Variants in BCR observed in about 807,000 individuals in gnomAD.
BCR encodes the protein breakpoint cluster region protein.
Under a neutral mutation model 138.6 loss-of-function variants are expected in BCR, and 58 were observed. The observed-to-expected ratio is 0.42, with a 90% confidence interval of 0.34 to 0.52. The LOEUF is 0.52. Ranked by LOEUF, BCR falls within the 20% of genes least tolerant of loss-of-function variation. BCR has a pLI of 0.06. For missense variants in BCR, 1,599 were observed against 1,727.2 expected, an observed-to-expected ratio of 0.93 and a Z score of 1.32; for synonymous variants, 786 against 730.1, an observed-to-expected ratio of 1.08 and a Z score of -1.23.
At chr22:23,196,015 C>T (rs1243602949) in intron 1 of BCR, among the ~76,000 whole-genome samples, 1 of 152,180 alleles carries the variant, frequency 6.6e-6, no homozygotes, top group African/African-American at 2.4e-5. Flanking sequence ...AGGACAGTGC[C>T]AGTCAGCCAC....
At chr22:23,199,238 A>T in intron 1 of BCR, 1 of 515,548 alleles carries the variant, frequency 1.9e-6, no homozygotes, top group South Asian at 1.4e-5. Flanking sequence ...TGGCTCCAGA[A>T]GACTCTTCTC....
chr22:23,225,428 C>T (rs1024241146), intron 1 of BCR, among the ~76,000 whole-genome samples: 3 of 152,188 alleles, frequency 2.0e-5, no homozygotes, highest in Non-Finnish European at 4.4e-5. Context: ...TTGCCAAAGG[C>T]GAGACCGCTG....
chr22:23,207,944 C>T (rs947551198), intron 1 of BCR, among the ~76,000 whole-genome samples: 1 of 152,188 alleles, frequency 6.6e-6, no homozygotes, highest in African/African-American at 2.4e-5. Flanking sequence ...ATGGCCTATG[C>T]ACCCCATACA....
At chr22:23,211,975 C>T (rs2072690051) in intron 1 of BCR, among the ~76,000 whole-genome samples, 2 of 152,128 alleles carry the variant, frequency 1.3e-5, no homozygotes, top group Non-Finnish European at 2.9e-5. Flanking sequence ...CCACTTCCCA[C>T]TGTCTGCAGG....
chr22:23,259,090 G>A (rs2073328433), intron 2 of BCR, among the ~76,000 whole-genome samples: 1 of 152,286 alleles, frequency 6.6e-6, no homozygotes, highest in Non-Finnish European at 1.5e-5. Flanking sequence ...CCAGGGAGTA[G>A]GCGGGAGTGG....
At chr22:23,249,603 TG>T (rs1056495140) in intron 1 of BCR, among the ~76,000 whole-genome samples, 97 of 150,374 alleles carry the variant, frequency 6.5e-4, no homozygotes, top group African/African-American at 2.3e-3. Flanking sequence ...AAATCACGGG[TG>T]GGGGGTGGTG....
At chr22:23,262,706 AGGGCGGGCCC>A (rs1390912987) in intron 4 of BCR, 3 of 195,274 alleles carry the variant, frequency 1.5e-5, no homozygotes, top group African/African-American at 1.2e-4. Context: ...GGCCCGGGTG[AGGGCGGGCCC>A]GGGTGAGGGC....
intron 1 of BCR, among the ~76,000 whole-genome samples, chr22:23,214,204 TTG>T (rs2072721994): frequency 6.7e-6 from 1 of 149,004 alleles, no homozygotes; most frequent in African/African-American, 2.6e-5. Context: ...GATGTTTGGT[TTG>T]TTTTTTTTTT....
chr22:23,249,210 A>G (rs1019338983), intron 1 of BCR, among the ~76,000 whole-genome samples: 1 of 152,076 alleles, frequency 6.6e-6, no homozygotes, highest in Non-Finnish European at 1.5e-5. Context: ...TGGGTGGATC[A>G]CAAGGTCAGG....
intron 1 of BCR, among the ~76,000 whole-genome samples, chr22:23,193,225 A>G (rs1260487719): frequency 1.3e-5 from 2 of 152,350 alleles, no homozygotes; most frequent in African/African-American, 4.8e-5. Context: ...ATTCGAAGCA[A>G]CCTACAGGCA....
intron 16 of BCR, among the ~76,000 whole-genome samples, chr22:23,297,901 T>G (rs1207518754): frequency 6.6e-6 from 1 of 152,210 alleles, no homozygotes; most frequent in Non-Finnish European, 1.5e-5. Context: ...TCTGCAATGC[T>G]ACTGAAGTAT....
At chr22:23,296,815 C>T (rs557234476) in intron 16 of BCR, among the ~76,000 whole-genome samples, 3 of 152,332 alleles carry the variant, frequency 2.0e-5, no homozygotes, top group East Asian at 1.9e-4. Context: ...GCTCTCCTGT[C>T]GCTGTCCCAC....
intron 14 of BCR, among the ~76,000 whole-genome samples, chr22:23,292,065 C>T (rs535729804): frequency 6.6e-6 from 1 of 152,324 alleles, no homozygotes; most frequent in Admixed American, 6.5e-5. Context: ...CACTGAGCTG[C>T]TTCCTGTGCC....
At chr22:23,266,727 C>A (rs1157962596) in intron 4 of BCR, among the ~76,000 whole-genome samples, 2 of 152,232 alleles carry the variant, frequency 1.3e-5, no homozygotes, top group African/African-American at 4.8e-5. Flanking sequence ...TCGGGTTTGC[C>A]AGTTTCCTCA....
intron 8 of BCR, 184 bp from the exon 9 acceptor site, chr22:23,283,790 TAGC>T: frequency 2.8e-6 from 2 of 711,838 alleles, no homozygotes; most frequent in South Asian, 4.2e-5. Flanking sequence ...CCTGATGTGT[TAGC>T]AGGACAGTGA....
In BCR at chr22:23,314,571, G is replaced by A; in HGVS notation, c.3583G>A (p.Val1195Ile). The A allele has an allele frequency of 6.2e-7, 1 of 1,612,016 alleles. No homozygotes were observed. Among genetic ancestry groups the A allele is most frequent in the Non-Finnish European group, 8.5e-7 (1 of 1,179,860 alleles). ...HLKRVAEKEA[V>I]NKMSLHNLAT... is the part of the protein sequence containing the mutation. ...CTACAGGGTGGCAGAGAAGGAGGCA[G>A]TCAATAAGATGTCCCTGCACAACCT... Residue 1195 changes from valine (V) to isoleucine (I), a missense_variant, in exon 22 of 23, where the codon GTC (valine) becomes ATC (isoleucine). Transcript: ENST00000305877.
chr22:23,195,843 G>A (rs1334611368), intron 1 of BCR, among the ~76,000 whole-genome samples: 2 of 152,160 alleles, frequency 1.3e-5, no homozygotes, highest in Non-Finnish European at 2.9e-5. Flanking sequence ...AACCGAGATC[G>A]TGCCATTGCA....
At chr22:23,205,326 GAATATT>G (rs1276817939) in intron 1 of BCR, among the ~76,000 whole-genome samples, 1 of 152,206 alleles carries the variant, frequency 6.6e-6, no homozygotes, top group Non-Finnish European at 1.5e-5. Flanking sequence ...CTTTCCTTCA[GAATATT>G]GCATTTGGTG....
At chr22:23,240,941 T>C (rs1334136971) in intron 1 of BCR, among the ~76,000 whole-genome samples, 2 of 152,228 alleles carry the variant, frequency 1.3e-5, no homozygotes, top group Admixed American at 6.5e-5. Context: ...TATTTGTTTG[T>C]TTGTGCCTGG....
Sources: gnomAD v4.1 joint callset for allele counts (sites outside exome capture counted in the v4.1 genomes callset) on GRCh38, gnomAD v4.1.1 for gene constraint, MANE v1.5 for transcripts, NCBI Gene and HGNC (gene_info 2026-07-23, HGNC 2026-07-21) for gene names.